The following PRKAG2 variants were observed in gnomAD, a reference collection of about 807,000 sequenced individuals.
The protein encoded by PRKAG2 is protein kinase AMP-activated non-catalytic subunit gamma 2, also known as 5'-AMP-activated protein kinase subunit gamma-2.
Under a neutral mutation model 69.6 loss-of-function variants are expected in PRKAG2, and 26 were observed. The ratio of observed to expected loss-of-function variants is 0.37; its 90% confidence interval spans 0.27 to 0.52. PRKAG2 has a LOEUF of 0.52. Ranked by LOEUF, PRKAG2 falls within the 20% of genes least tolerant of loss-of-function variation. The pLI, the probability that PRKAG2 is intolerant of heterozygous loss-of-function variation, is 0.90. For missense variants in PRKAG2, 557 were observed against 740.0 expected, an observed-to-expected ratio of 0.75 and a Z score of 2.87; for synonymous variants, 293 against 285.0, an observed-to-expected ratio of 1.03 and a Z score of -0.28.
chr7:151,666,286 A>C (rs1352931813), intron 4 of PRKAG2, among the ~76,000 whole-genome samples: 1 of 152,224 alleles, frequency 6.6e-6, no homozygotes, highest in Non-Finnish European at 1.5e-5. Flanking sequence ...GTGAGGCCAT[A>C]GGGTAGGCCC....
intron 1 of PRKAG2, among the ~76,000 whole-genome samples, chr7:151,798,391 T>G (rs2077665787): frequency 6.6e-6 from 1 of 152,018 alleles, no homozygotes; most frequent in Non-Finnish European, 1.5e-5. Flanking sequence ...CTTGGCTCAC[T>G]TCAACCTCCG....
chr7:151,566,063 C>T (rs1157634998), intron 11 of PRKAG2, among the ~76,000 whole-genome samples, 178 bp from the exon 12 acceptor site: 1 of 152,172 alleles, frequency 6.6e-6, no homozygotes, highest in Non-Finnish European at 1.5e-5. Context: ...TTTGTTTGAA[C>T]CAGTTTGTAG....
At chr7:151,841,441 T>C (rs561211079) in intron 1 of PRKAG2, among the ~76,000 whole-genome samples, 13 of 103,286 alleles carry the variant, frequency 1.3e-4, no homozygotes, top group Non-Finnish European at 2.4e-4. Context: ...GTAGTGATAG[T>C]AGGTAGGGAT....
intron 3 of PRKAG2, among the ~76,000 whole-genome samples, chr7:151,731,496 T>G (rs1271448399): frequency 6.6e-6 from 1 of 151,268 alleles, no homozygotes; most frequent in Non-Finnish European, 1.5e-5. Context: ...CTGCAGGGCC[T>G]TGATTTGATG....
intron 1 of PRKAG2, among the ~76,000 whole-genome samples, chr7:151,872,568 C>T (rs1201863974): frequency 6.6e-6 from 1 of 152,182 alleles, no homozygotes; most frequent in African/African-American, 2.4e-5. Context: ...ACTGTGGATC[C>T]CCACCCTGCT....
chr7:151,857,370 A>C (rs1419507171), intron 1 of PRKAG2, among the ~76,000 whole-genome samples: 1 of 146,156 alleles, frequency 6.8e-6, no homozygotes, highest in Admixed American at 7.3e-5. Flanking sequence ...GGCTGTGCCC[A>C]AGGTGGACCC....
chr7:151,721,400 A>AGGGCCG (rs368100608), intron 3 of PRKAG2, among the ~76,000 whole-genome samples: 1 of 148,624 alleles, frequency 6.7e-6, no homozygotes, highest in African/African-American at 2.5e-5. Context: ...GGCCGGGGCC[A>AGGGCCG]GGGCCGGGGC....
chr7:151,709,905 A>G (rs545809427), intron 3 of PRKAG2, among the ~76,000 whole-genome samples: 75 of 152,226 alleles, frequency 4.9e-4, no homozygotes, highest in African/African-American at 1.8e-3. Context: ...AGTGACAGTG[A>G]CATGTGATAT....
At chr7:151,717,303 C>T (rs565943343) in intron 3 of PRKAG2, among the ~76,000 whole-genome samples, 3 of 150,614 alleles carry the variant, frequency 2.0e-5, no homozygotes, top group African/African-American at 4.9e-5. Context: ...GCTGTAAAAT[C>T]GCATAAAAAG....
At chr7:151,770,898 G>A (rs1013914982) in intron 3 of PRKAG2, among the ~76,000 whole-genome samples, 3 of 152,218 alleles carry the variant, frequency 2.0e-5, no homozygotes, top group Admixed American at 6.5e-5. Flanking sequence ...CGTTGCAGAG[G>A]CTGAGAAGTA....
intron 3 of PRKAG2, among the ~76,000 whole-genome samples, chr7:151,697,218 C>G (rs10269404): frequency 0.34 from 51,290 of 151,926 alleles, 9,808 homozygotes; most frequent in African/African-American, 0.52. Flanking sequence ...AGCTGCACAC[C>G]CTGGGGTGGT....
chr7:151,845,974 A>C (rs948169985), intron 1 of PRKAG2, among the ~76,000 whole-genome samples: 1 of 152,182 alleles, frequency 6.6e-6, no homozygotes, highest in African/African-American at 2.4e-5. Flanking sequence ...GGGGGCTAGC[A>C]GGGTCTGGAG....
intron 6 of PRKAG2, among the ~76,000 whole-genome samples, chr7:151,590,532 T>C (rs373267591): frequency 7.3e-4 from 111 of 152,308 alleles, no homozygotes; most frequent in African/African-American, 1.7e-3. Context: ...GAGCCTCCCA[T>C]GGCAGTGGGA....
At chr7:151,827,757 A>ACAAAAC (rs1270759085) in intron 1 of PRKAG2, among the ~76,000 whole-genome samples, 83 of 147,914 alleles carry the variant, frequency 5.6e-4, no homozygotes, top group South Asian at 1.7e-3. Flanking sequence ...AAAAAAAAAA[A>ACAAAAC]AAAAAAAAAA....
intron 1 of PRKAG2, among the ~76,000 whole-genome samples, chr7:151,815,087 G>C (rs772360134): frequency 1.3e-5 from 2 of 152,176 alleles, no homozygotes; most frequent in Non-Finnish European, 2.9e-5. Context: ...TCCTGTCCTT[G>C]GAGCACAAAG....
chr7:151,815,025 G>A (rs2078599718), intron 1 of PRKAG2, among the ~76,000 whole-genome samples: 1 of 152,206 alleles, frequency 6.6e-6, no homozygotes, highest in African/African-American at 2.4e-5. Flanking sequence ...CCCCTGCACT[G>A]TTCCCATCTA....
intron 1 of PRKAG2, among the ~76,000 whole-genome samples, chr7:151,819,017 C>T (rs1325615243): frequency 1.3e-5 from 2 of 152,246 alleles, no homozygotes; most frequent in African/African-American, 4.8e-5. Context: ...TTGAAATTCA[C>T]AGCAGAGGGC....
chr7:151,646,953 C>T (rs1414840942), intron 4 of PRKAG2, among the ~76,000 whole-genome samples: 1 of 152,190 alleles, frequency 6.6e-6, no homozygotes, highest in Non-Finnish European at 1.5e-5. Context: ...TACCTTCCTT[C>T]CTAGAATAAC....
intron 3 of PRKAG2, among the ~76,000 whole-genome samples, chr7:151,710,109 A>C (rs1047106337): frequency 6.6e-6 from 1 of 152,126 alleles, no homozygotes; most frequent in East Asian, 1.9e-4. Context: ...CGGAGCAGCC[A>C]CCTCAGCAGA....
Sources: allele counts gnomAD v4.1 joint callset (sites outside exome capture counted in the v4.1 genomes callset), GRCh38; gene constraint gnomAD v4.1.1; transcripts MANE v1.5; gene names NCBI Gene and HGNC (gene_info 2026-07-23, HGNC 2026-07-21).